The following NPAS3 variants were observed in gnomAD, a reference collection of about 807,000 sequenced individuals.
NPAS3 encodes the protein neuronal PAS domain-containing protein 3.
NPAS3 carries 14 observed loss-of-function variants against 73.1 expected under a neutral mutation model. The ratio of observed to expected loss-of-function variants is 0.19; its 90% confidence interval spans 0.13 to 0.30. The LOEUF is 0.30. Ranked by LOEUF, NPAS3 falls within the 10% of genes least tolerant of loss-of-function variation. The pLI is 1.00. For missense variants in NPAS3, 1,096 were observed against 1,250.0 expected (o/e 0.88, Z 1.86); for synonymous variants, 620 against 541.5 (o/e 1.14, Z -2.01).
rs1352379691 is a variant in NPAS3 at position 33,096,816 on chromosome 14, G to A, written c.140+40822G>A. 2.6e-5 allele frequency among the ~76,000 whole-genome samples: 4 copies of A among 152,258 alleles called. No individual in the cohort carries two copies. In the East Asian group the frequency reaches 7.7e-4, roughly 29 times the overall value. ...ATTCATGACTATGGAAATCTCCTCA[G>A]CGGCTTCTCTACATTTGGCTCCTCT... On this transcript the variant is annotated intron_variant, in intron 2 of 11. Transcript: ENST00000356141.
At chr14:33,133,699 C>T (rs147654629) in intron 2 of NPAS3, among the ~76,000 whole-genome samples, 1 of 152,282 alleles carries the variant, frequency 6.6e-6, no homozygotes, top group Admixed American at 6.5e-5. Flanking sequence ...TTTAATCAGA[C>T]TATGCAAATA....
intron 5 of NPAS3, among the ~76,000 whole-genome samples, chr14:33,635,142 T>C (rs923276363): frequency 1.3e-5 from 2 of 152,196 alleles, no homozygotes; most frequent in South Asian, 2.1e-4. Context: ...AGGGCGTACA[T>C]TGTGCCATTT....
chr14:33,072,045 C>A (rs1318699791), intron 2 of NPAS3, among the ~76,000 whole-genome samples: 1 of 152,100 alleles, frequency 6.6e-6, no homozygotes, highest in Non-Finnish European at 1.5e-5. Context: ...TGTGCACCAC[C>A]ACGCCCAGCT....
At chr14:32,944,808 T>C (rs1169892098) in intron 1 of NPAS3, among the ~76,000 whole-genome samples, 1 of 152,262 alleles carries the variant, frequency 6.6e-6, no homozygotes, top group African/African-American at 2.4e-5. Context: ...GTTGAAGTTT[T>C]CTGTATACAT....
At chr14:32,980,711 A>C (rs914109595) in intron 1 of NPAS3, among the ~76,000 whole-genome samples, 2 of 152,096 alleles carry the variant, frequency 1.3e-5, no homozygotes, top group Non-Finnish European at 2.9e-5. Flanking sequence ...ATTTGTATTA[A>C]AGTTGTTGTT....
chr14:33,277,197 T>C (rs570820687), intron 3 of NPAS3, among the ~76,000 whole-genome samples: 2 of 152,282 alleles, frequency 1.3e-5, no homozygotes, highest in East Asian at 1.9e-4. Context: ...ATTTCTATTT[T>C]ATAGAGTTGC....
intron 3 of NPAS3, among the ~76,000 whole-genome samples, chr14:33,307,557 A>G (rs1227747411): frequency 7.8e-6 from 1 of 128,020 alleles, no homozygotes; most frequent in African/African-American, 2.9e-5. Flanking sequence ...CTTCCTGCCA[A>G]CTGTAACGTT....
At chr14:33,243,376 T>C (rs2048273059) in intron 3 of NPAS3, among the ~76,000 whole-genome samples, 1 of 152,068 alleles carries the variant, frequency 6.6e-6, no homozygotes, top group Admixed American at 6.6e-5. Context: ...TTTTTTTGAA[T>C]ACCTACTCCA....
At chr14:33,604,725 A>G (rs1315041482) in intron 5 of NPAS3, among the ~76,000 whole-genome samples, 1 of 152,140 alleles carries the variant, frequency 6.6e-6, no homozygotes, top group Non-Finnish European at 1.5e-5. Context: ...ATCTTAATGA[A>G]TTTTAAAAGG....
At chr14:33,460,116 C>T (rs1043944543) in intron 4 of NPAS3, among the ~76,000 whole-genome samples, 8 of 152,178 alleles carry the variant, frequency 5.3e-5, no homozygotes, top group Non-Finnish European at 8.8e-5. Context: ...CAAGAGTACT[C>T]GTACACATAC....
intron 4 of NPAS3, among the ~76,000 whole-genome samples, chr14:33,485,545 T>C (rs2051543624): frequency 6.6e-6 from 1 of 152,166 alleles, no homozygotes; most frequent in Admixed American, 6.6e-5. Flanking sequence ...GTCCCCCGAC[T>C]ACCCCACCTT....
chr14:33,751,301 A>G (rs983256670), intron 7 of NPAS3, among the ~76,000 whole-genome samples: 3 of 152,216 alleles, frequency 2.0e-5, no homozygotes, highest in African/African-American at 7.2e-5. Flanking sequence ...GATTTAAACA[A>G]GTCATTAAAT....
intron 4 of NPAS3, among the ~76,000 whole-genome samples, chr14:33,430,701 T>C (rs2048748762): frequency 6.6e-6 from 1 of 152,274 alleles, no homozygotes; most frequent in Middle Eastern, 3.4e-3. Context: ...CCAGGGAAGG[T>C]TGTAGATGCA....
chr14:33,009,386 C>T (rs1339792405), intron 1 of NPAS3, among the ~76,000 whole-genome samples: 26 of 152,060 alleles, frequency 1.7e-4, no homozygotes, highest in Admixed American at 1.7e-3. Flanking sequence ...TGATTTGGGC[C>T]TCAATGCAAA....
chr14:32,936,335 TAACTC>T (rs1342042227), upstream of NPAS3, among the ~76,000 whole-genome samples: 2 of 151,526 alleles, frequency 1.3e-5, no homozygotes, highest in East Asian at 3.9e-4. Context: ...GTTTGGAAAA[TAACTC>T]AAAAAGGGGC....
intron 3 of NPAS3, among the ~76,000 whole-genome samples, chr14:33,240,467 TAAAG>T (rs1339750238): frequency 6.6e-6 from 1 of 151,892 alleles, no homozygotes; most frequent in African/African-American, 2.4e-5. Flanking sequence ...TTACATGAAA[TAAAG>T]CCTTCTTTTT....
At chr14:32,977,356 G>GCACACACA (rs3057259) in intron 1 of NPAS3, among the ~76,000 whole-genome samples, 5,434 of 141,452 alleles carry the variant, frequency 0.038, 110 homozygotes, top group African/African-American at 0.051. Context: ...TCTCTGACAC[G>GCACACACA]CACACACACA....
chr14:33,385,330 C>A (rs1040693138), intron 4 of NPAS3, among the ~76,000 whole-genome samples: 7 of 152,086 alleles, frequency 4.6e-5, no homozygotes, highest in Non-Finnish European at 4.4e-5. Context: ...AAATTATCTG[C>A]CACGATGCAT....
chr14:33,285,403 C>T (rs1372760427), intron 3 of NPAS3, among the ~76,000 whole-genome samples: 1 of 152,142 alleles, frequency 6.6e-6, no homozygotes, highest in Non-Finnish European at 1.5e-5. Flanking sequence ...CAGCATACTC[C>T]GTAGTTATTG....
Sources: gnomAD v4.1 joint callset for allele counts (sites outside exome capture counted in the v4.1 genomes callset) on GRCh38, gnomAD v4.1.1 for gene constraint, MANE v1.5 for transcripts, NCBI Gene and HGNC (gene_info 2026-07-23, HGNC 2026-07-21) for gene names.